TNPO1: variants seen among roughly 807,000 people sequenced by gnomAD.
TNPO1 encodes the protein transportin 1.
In TNPO1, 8 loss-of-function variants were observed where a neutral mutation model predicts 119.5. That is an observed-to-expected ratio of 0.07 (90% CI 0.04 to 0.12). The LOEUF is 0.12. Ranked by LOEUF, TNPO1 falls within the 10% of genes least tolerant of loss-of-function variation. TNPO1 has a pLI of 1.00. For missense variants in TNPO1, 576 were observed against 1,089.8 expected (o/e 0.53, Z 6.64); for synonymous variants, 362 against 363.0 (o/e 1.00, Z 0.03).
chr5:72,905,401 T>C lies in TNPO1; in HGVS notation c.2688T>C (p.Tyr896=), dbSNP rs150570039. The change falls in exon 24 of 25, where the codon TAT becomes TAC. Residue 896 remains tyrosine, a synonymous_variant. Transcript: ENST00000337273. ...TAAAAGAGCGTCTTGCAGCTTTTTA[T>C]GGTGTTTAATCTAATACACTTAAGC... ...LPLKERLAAF[Y]GV is the part of the protein sequence containing the mutation. 1,814 of 1,610,444 alleles carry C rather than the reference T, an allele frequency of 1.1e-3. 4 individuals carry two copies. Among genetic ancestry groups the C allele is most frequent in the Non-Finnish European group, 1.4e-3 (1,626 of 1,178,442 alleles).
intron 1 of TNPO1, among the ~76,000 whole-genome samples, chr5:72,834,877 CTTTA>C (rs1359420946): frequency 6.6e-5 from 10 of 152,040 alleles, no homozygotes; most frequent in Non-Finnish European, 1.5e-4. Flanking sequence ...GCTTTTTATA[CTTTA>C]TTTTTTATTT....
chr5:72,817,552 C>T (rs1396698821), intron 1 of TNPO1, among the ~76,000 whole-genome samples: 7 of 152,242 alleles, frequency 4.6e-5, no homozygotes, highest in East Asian at 3.9e-4. Flanking sequence ...TTATCTTAAT[C>T]GCTAATCAGG....
chr5:72,903,643 C>T (rs949165669), intron 22 of TNPO1, 66 bp from the exon 23 acceptor site: 3 of 1,037,936 alleles, frequency 2.9e-6, no homozygotes, highest in African/African-American at 3.2e-5. Context: ...CTGAGGTTTA[C>T]ATATATCTTT....
intron 1 of TNPO1, among the ~76,000 whole-genome samples, chr5:72,845,598 C>A (rs1745095059): frequency 6.6e-6 from 1 of 152,152 alleles, no homozygotes; most frequent in Admixed American, 6.5e-5. Context: ...TCTTATCAAG[C>A]AGTTATCTGA....
intron 1 of TNPO1, 149 bp from the exon 2 acceptor site, chr5:72,848,236 G>C (rs1328624970): frequency 1.6e-6 from 2 of 1,259,308 alleles, no homozygotes; most frequent in South Asian, 2.4e-5. Flanking sequence ...GACTTCCTTC[G>C]GGGCACCTCA....
At chr5:72,891,919 A>T in intron 15 of TNPO1, 23 bp downstream of exon 15, 4 of 1,572,246 alleles carry the variant, frequency 2.5e-6, no homozygotes, top group Non-Finnish European at 3.5e-6. Context: ...AGTAATATTT[A>T]ATCTGTTGCC....
chr5:72,820,762 A>G (rs1743925119), intron 1 of TNPO1, among the ~76,000 whole-genome samples: 1 of 152,166 alleles, frequency 6.6e-6, no homozygotes, highest in Non-Finnish European at 1.5e-5. Flanking sequence ...TAGATCACAG[A>G]CCACATTTTT....
intron 3 of TNPO1, among the ~76,000 whole-genome samples, chr5:72,852,307 T>A (rs1292837974): frequency 6.6e-6 from 1 of 152,180 alleles, no homozygotes; most frequent in Non-Finnish European, 1.5e-5. Flanking sequence ...CACTAGACAT[T>A]ATTTCATAAA....
chr5:72,906,946 A>G (rs2112512653), intron 24 of TNPO1, among the ~76,000 whole-genome samples: 1 of 152,332 alleles, frequency 6.6e-6, no homozygotes, highest in Non-Finnish European at 1.5e-5. Flanking sequence ...CAGAAGATGT[A>G]CACCAAGTTG....
intron 1 of TNPO1, among the ~76,000 whole-genome samples, chr5:72,819,556 G>T (rs956481709): frequency 1.3e-5 from 2 of 152,124 alleles, no homozygotes; most frequent in African/African-American, 4.8e-5. Context: ...GGAGTAGATA[G>T]AATACATATA....
intron 23 of TNPO1, among the ~76,000 whole-genome samples, chr5:72,904,470 G>A (rs907615452): frequency 1.3e-5 from 2 of 152,116 alleles, no homozygotes; most frequent in African/African-American, 2.4e-5. Context: ...GGCAAGGCAC[G>A]TGTATTAGTC....
rs1211470106 is a variant in TNPO1, at chr5:72,912,693, G to A, written c.*4020G>A. The A allele has an allele frequency of 1.3e-5, 2 of 152,350 alleles. No homozygotes were observed. Among genetic ancestry groups the A allele is most frequent in the Admixed American group, 1.3e-4 (2 of 15,262 alleles). The allele number at this position is 152,350 out of a possible 1,614,324, so 9.4% of individuals were successfully genotyped here. On this transcript the variant is annotated 3_prime_UTR_variant, in exon 25 of 25. Transcript: ENST00000337273. The stretch of plus-strand genomic sequence containing the variant: ...CATTTTCTTCAAACTCTCAAAATAG[G>A]AAAGTGGAAATTTTTCTCCCCTATA...
intron 5 of TNPO1, 124 bp from the exon 6 acceptor site, chr5:72,865,472 T>G: frequency 1.8e-6 from 2 of 1,101,974 alleles, no homozygotes; most frequent in Non-Finnish European, 2.6e-6. Context: ...AATTTATGGA[T>G]TTTAGAAGGC....
In TNPO1 at chr5:72,883,150, G is replaced by A; in HGVS notation, c.1068G>A (p.Gln356=). The A allele has an allele frequency of 6.2e-7, 1 of 1,613,712 alleles. No individual in the cohort carries two copies. ...RFHRSRTVAQ[Q]HDEDGIEEED... is the part of the protein sequence containing the mutation. Reference sequence around the variant, plus strand: ...ACCGATCGAGGACGGTGGCTCAGCAGCATGATGAAGATGGAATTGAAGAGG... The same window carrying A: ...ACCGATCGAGGACGGTGGCTCAGCAACATGATGAAGATGGAATTGAAGAGG... The change falls in exon 11 of 25, where the codon CAG becomes CAA. Residue 356 remains glutamine (Q), a synonymous_variant. Coordinates refer to ENST00000337273, the MANE Select transcript of TNPO1 (RefSeq NM_002270.4).
chr5:72,852,369 G>A (rs34657), intron 3 of TNPO1, among the ~76,000 whole-genome samples: 125,389 of 152,160 alleles, frequency 0.82, 51,902 homozygotes, highest in Non-Finnish European at 0.86. Flanking sequence ...AGGAGAGAAA[G>A]GTGAACAAAA....
chr5:72,896,428 T>G, intron 18 of TNPO1, 30 bp from the exon 19 acceptor site: 1 of 1,543,110 alleles, frequency 6.5e-7, no homozygotes, highest in Non-Finnish European at 8.9e-7. Flanking sequence ...TATTGAAAAG[T>G]TTACTACATA....
In TNPO1 at chr5:72,888,117, T is replaced by G; in HGVS notation, c.1343T>G (p.Ile448Ser). Residue 448 changes from isoleucine (I) to serine (S), a missense_variant, in exon 13 of 25, where the codon ATT becomes AGT. Physicochemically the swap from Ile to Ser is moderately radical, Grantham distance 142. This residue lies in a region of TNPO1 where 310 missense variants were observed against 583.0 expected (regional missense o/e 0.53). Transcript: ENST00000337273. ...ATGATTCCATACTTGCCTGAGCTTA[T>G]TCCTCACCTTATTCAGTGCCTCTCT... Reference protein sequence around the residue: ...QGMIPYLPELIPHLIQCLSDK... With the variant: ...QGMIPYLPELSPHLIQCLSDK... 6.2e-7 allele frequency: 1 copy of G among 1,614,190 alleles called. No individual in the cohort carries two copies. The highest frequency in any genetic ancestry group is 8.5e-7 in the Non-Finnish European group (1 of 1,180,028).
chr5:72,907,736 T>C (rs1329939736), intron 24 of TNPO1, among the ~76,000 whole-genome samples: 1 of 152,120 alleles, frequency 6.6e-6, no homozygotes, highest in Non-Finnish European at 1.5e-5. Flanking sequence ...TGGGAACTAA[T>C]TAGGAACATC....
At position 72,891,746 on chromosome 5, in the gene TNPO1, A is replaced by G. The variant is rs1264190137; in HGVS notation, c.1702-64A>G. 38 of 1,177,278 alleles carry G rather than the reference A, an allele frequency of 3.2e-5. No individual in the cohort carries two copies. The Admixed American group carries it at 7.5e-4, about 23-fold the overall frequency. The allele number at this position is 1,177,278 out of a possible 1,614,324, so 72.9% of individuals were successfully genotyped here. A position where few individuals can be genotyped will look rare whatever the true frequency, so the allele number is the denominator to read the frequency against. The stretch of plus-strand genomic sequence containing the variant: ...TCAAAATGGATTTTAATTTTCAAAG[A>G]CTCAAAATGGTCTTGTTGACATGTG... On this transcript the variant is annotated intron_variant, in intron 14 of 24. Transcript: ENST00000337273.
Sources: gnomAD v4.1 joint callset for allele counts (sites outside exome capture counted in the v4.1 genomes callset) on GRCh38, gnomAD v4.1.1 for gene constraint, gnomAD v4.1.1 regional missense constraint, MANE v1.5 for transcripts, NCBI Gene and HGNC (gene_info 2026-07-23, HGNC 2026-07-21) for gene names.